The following PIK3C2G variants were observed in gnomAD, a reference collection of about 807,000 sequenced individuals.
The protein encoded by PIK3C2G is phosphatidylinositol-4-phosphate 3-kinase catalytic subunit type 2 gamma, also known as phosphatidylinositol 3-kinase C2 domain-containing subunit gamma.
PIK3C2G carries 168 observed loss-of-function variants against 181.1 expected under a neutral mutation model. That is an observed-to-expected ratio of 0.93 (90% CI 0.82 to 1.05). The LOEUF is 1.05. Among genes scored for constraint, PIK3C2G ranks in the 50% least tolerant of loss-of-function variants. The pLI, the probability that PIK3C2G is intolerant of heterozygous loss-of-function variation, is 0.00. For missense variants in PIK3C2G, 1,869 were observed against 1,732.8 expected, an observed-to-expected ratio of 1.08 and a Z score of -1.40; for synonymous variants, 573 against 592.2, an observed-to-expected ratio of 0.97 and a Z score of 0.47.
chr12:18,416,222 G>C (rs2135671103), intron 16 of PIK3C2G, among the ~76,000 whole-genome samples: 1 of 152,110 alleles, frequency 6.6e-6, no homozygotes, highest in South Asian at 2.1e-4. Flanking sequence ...TCTAGCCTGG[G>C]CAATGGAGCA....
At chr12:18,688,120 C>T in the PIK3C2G span, 1 of 1,611,498 alleles carries the variant, frequency 6.2e-7, no homozygotes, top group Non-Finnish European at 8.5e-7. Context: ...TCTGCTGCTT[C>T]ATTTGATCAT....
intron 11 of PIK3C2G, among the ~76,000 whole-genome samples, chr12:18,356,376 G>T (rs1191644388): frequency 6.6e-6 from 1 of 152,162 alleles, no homozygotes; most frequent in Admixed American, 6.5e-5. Context: ...GCCGGTGACT[G>T]GGTGTACGGG....
chr12:18,713,332 C>T, the PIK3C2G span, among the ~76,000 whole-genome samples: 1 of 152,104 alleles, frequency 6.6e-6, no homozygotes, highest in Non-Finnish European at 1.5e-5. Context: ...TATAATTTTA[C>T]TTATGGTGGC....
chr12:18,645,586 G>A (rs1950083707), intron 32 of PIK3C2G, among the ~76,000 whole-genome samples: 1 of 152,126 alleles, frequency 6.6e-6, no homozygotes, highest in South Asian at 2.1e-4. Context: ...GTCAATTGAT[G>A]CAAAATACTA....
chr12:18,592,428 G>A (rs1406971465), intron 29 of PIK3C2G, among the ~76,000 whole-genome samples: 2 of 151,876 alleles, frequency 1.3e-5, no homozygotes, highest in African/African-American at 4.8e-5. Context: ...GCTATATCAT[G>A]ACAAAGGAAA....
At chr12:18,285,095 T>C (rs1028438409) in intron 2 of PIK3C2G, among the ~76,000 whole-genome samples, 1 of 151,858 alleles carries the variant, frequency 6.6e-6, no homozygotes, top group African/African-American at 2.4e-5. Flanking sequence ...ATCTGAAAAT[T>C]AAAAGAGAAA....
intron 2 of PIK3C2G, among the ~76,000 whole-genome samples, chr12:18,283,129 C>T (rs2137130348): frequency 6.6e-6 from 1 of 152,124 alleles, no homozygotes; most frequent in East Asian, 1.9e-4. Context: ...CGTTTCATTA[C>T]ATTATATTTT....
intron 18 of PIK3C2G, among the ~76,000 whole-genome samples, chr12:18,444,345 C>T (rs186425424): frequency 6.6e-6 from 1 of 152,220 alleles, no homozygotes; most frequent in Admixed American, 6.5e-5. Flanking sequence ...TTGTCTTTAT[C>T]AATTGTTTGG....
At chr12:18,560,948 C>T (rs1945313128) in intron 26 of PIK3C2G, among the ~76,000 whole-genome samples, 1 of 152,142 alleles carries the variant, frequency 6.6e-6, no homozygotes, top group South Asian at 2.1e-4. Context: ...GAGTTTTGAA[C>T]AGTAATCCTT....
intron 16 of PIK3C2G, among the ~76,000 whole-genome samples, chr12:18,406,345 G>A (rs373040506): frequency 7.9e-5 from 12 of 152,030 alleles, no homozygotes; most frequent in Non-Finnish European, 1.3e-4. Flanking sequence ...GAACATGGGG[G>A]TACAGATATC....
the PIK3C2G span, among the ~76,000 whole-genome samples, chr12:18,716,705 T>A: frequency 6.6e-6 from 1 of 152,232 alleles, no homozygotes; most frequent in Non-Finnish European, 1.5e-5. Flanking sequence ...CTTAACTTTA[T>A]TTCATCTATT....
In PIK3C2G at chr12:18,282,195, G is replaced by A; in HGVS notation, c.114G>A (p.Leu38=). The change falls in exon 2 of 33, where the codon CTG becomes CTA. Residue 38 remains leucine (L), a synonymous_variant. Transcript: ENST00000538779. ...NQPHSSSQVS[L]GFDQIVDEIS... Reference sequence around the variant, plus strand: ...CCCATTCTTCTAGCCAAGTCAGTCTGGGTTTTGATCAGATAGTAGATGAGA... The same window carrying A: ...CCCATTCTTCTAGCCAAGTCAGTCTAGGTTTTGATCAGATAGTAGATGAGA... The A allele has an allele frequency of 3.1e-6, 5 of 1,613,074 alleles. No homozygotes were observed. Among genetic ancestry groups the A allele is most frequent in the Non-Finnish European group, 4.2e-6 (5 of 1,179,390 alleles).
intron 8 of PIK3C2G, among the ~76,000 whole-genome samples, chr12:18,334,251 C>T (rs1304861316): frequency 6.6e-6 from 1 of 152,046 alleles, no homozygotes; most frequent in Non-Finnish European, 1.5e-5. Flanking sequence ...CCTTTCTACT[C>T]AACAGGCAGC....
chr12:18,292,229 T>TAA (rs1162389524), intron 4 of PIK3C2G, among the ~76,000 whole-genome samples: 1 of 68,320 alleles, frequency 1.5e-5, no homozygotes, highest in Non-Finnish European at 2.7e-5. Context: ...AAAAAAAAAA[T>TAA]ATATATATAT....
chr12:18,256,733 A>T (rs1948149535), upstream of PIK3C2G, among the ~76,000 whole-genome samples: 1 of 152,124 alleles, frequency 6.6e-6, no homozygotes, highest in Non-Finnish European at 1.5e-5. Flanking sequence ...CTTTATCATA[A>T]AGTAATGAGA....
At chr12:18,264,222 C>A (rs907424854) in intron 1 of PIK3C2G, among the ~76,000 whole-genome samples, 1 of 152,072 alleles carries the variant, frequency 6.6e-6, no homozygotes, top group Non-Finnish European at 1.5e-5. Flanking sequence ...GATTGCTCAA[C>A]CCCAACTTAC....
intron 16 of PIK3C2G, among the ~76,000 whole-genome samples, chr12:18,413,094 CAT>C (rs1944964860): frequency 1.3e-5 from 2 of 152,094 alleles, no homozygotes; most frequent in South Asian, 2.1e-4. Context: ...TCTTAGCCTT[CAT>C]AGAGTATTTT....
At chr12:18,686,409 T>C in the PIK3C2G span, among the ~76,000 whole-genome samples, 1 of 152,068 alleles carries the variant, frequency 6.6e-6, no homozygotes, top group African/African-American at 2.4e-5. Flanking sequence ...TCTCATTTTA[T>C]CTCTCACTAA....
At chr12:18,425,222 A>G (rs2135725158) in intron 18 of PIK3C2G, 1 of 154,012 alleles carries the variant, frequency 6.5e-6, no homozygotes, top group East Asian at 1.9e-4. Flanking sequence ...AAATAACTAA[A>G]TTATTCTCAG....
Sources: allele counts gnomAD v4.1 joint callset (sites outside exome capture counted in the v4.1 genomes callset), GRCh38; gene constraint gnomAD v4.1.1; transcripts MANE v1.5; gene names NCBI Gene and HGNC (gene_info 2026-07-23, HGNC 2026-07-21).